The following DIAPH2 variants were observed in gnomAD, a reference collection of about 807,000 sequenced individuals.
DIAPH2 encodes diaphanous related formin 2.
A neutral mutation model predicts 92.7 loss-of-function variants in DIAPH2; 35 were observed. The ratio of observed to expected loss-of-function variants is 0.38; its 90% CI spans 0.29 to 0.50. The LOEUF is 0.50. DIAPH2 is among the 20% of genes least tolerant of loss of function. The probability of loss-of-function intolerance (pLI) is 0.94; values close to 1 mark genes in which losing one functional copy is unlikely to be tolerated. For synonymous variants in DIAPH2, 301 were observed against 280.4 expected, an observed-to-expected ratio of 1.07 and a Z score of -0.73; for missense variants, 701 against 819.5, an observed-to-expected ratio of 0.86 and a Z score of 1.77.
At chrX:97,046,320 T>TAGATCTACAAGTG (rs2066484091) in intron 17 of DIAPH2, among the ~76,000 whole-genome samples, 1 of 111,012 alleles carries the variant, frequency 9.0e-6, no homozygotes, top group East Asian at 2.8e-4. Context: ...GTGGAAGAAC[T>TAGATCTACAAGTG]TACCTTTGAT....
chrX:96,894,173 G>T (rs749905301), intron 5 of DIAPH2, among the ~76,000 whole-genome samples: 1 of 111,332 alleles, frequency 9.0e-6, no homozygotes, highest in African/African-American at 3.3e-5. Context: ...CAGTTCTGCA[G>T]CATCCAGTGT....
intron 22 of DIAPH2, among the ~76,000 whole-genome samples, chrX:97,245,958 A>G (rs1179711022): frequency 1.9e-5 from 2 of 103,889 alleles, no homozygotes; most frequent in African/African-American, 7.1e-5. Context: ...GCTAGAGTGC[A>G]GTGGCGGGAT....
intron 22 of DIAPH2, among the ~76,000 whole-genome samples, chrX:97,148,270 CAACA>C (rs1236338971): frequency 3.6e-5 from 4 of 111,718 alleles, no homozygotes; most frequent in South Asian, 7.6e-4. Flanking sequence ...CGAAAATATG[CAACA>C]AAGACTCATG....
At chrX:97,586,699 T>C (rs1036425392) in intron 26 of DIAPH2, among the ~76,000 whole-genome samples, 1 of 112,139 alleles carries the variant, frequency 8.9e-6, no homozygotes, top group Non-Finnish European at 1.9e-5. Flanking sequence ...CCTTTAAGAA[T>C]CTACAACAAT....
At chrX:96,754,745 C>G (rs2064214017) in intron 3 of DIAPH2, among the ~76,000 whole-genome samples, 1 of 107,728 alleles carries the variant, frequency 9.3e-6, no homozygotes, top group African/African-American at 3.4e-5. Context: ...GCCAACCTGG[C>G]AAAGCTCTGT....
chrX:96,939,362 C>A lies in DIAPH2; in HGVS notation c.1305C>A (p.Ile435=). The change falls in exon 12 of 27, where the codon ATC becomes ATA. Residue 435 remains isoleucine, a synonymous_variant. Coordinates refer to ENST00000324765, the MANE Select transcript of DIAPH2 (RefSeq NM_006729.5). ...CTATTCTACAACATTTTTTGCTTAT[C>A]AGAAATGATTATTATATCAGGTAAG... ...FLSILQHFLL[I]RNDYYIRPQY... 2.8e-6 allele frequency: 3 copies of A among 1,060,774 alleles called. No homozygotes were observed. The highest frequency in any genetic ancestry group is 3.9e-6 in the Non-Finnish European group (3 of 767,396). The allele number at this position is 1,060,774 out of a possible 1,213,427, so 87.4% of individuals were successfully genotyped here. A position where few individuals can be genotyped will look rare whatever the true frequency, so the allele number is the denominator to read the frequency against.
chrX:96,864,124 T>G (rs1426362876), intron 4 of DIAPH2, among the ~76,000 whole-genome samples: 1 of 111,339 alleles, frequency 9.0e-6, no homozygotes. Flanking sequence ...ACCTCTTTAT[T>G]TCCCGATATT....
chrX:97,463,659 G>A (rs970011065), intron 26 of DIAPH2, among the ~76,000 whole-genome samples: 1 of 110,757 alleles, frequency 9.0e-6, no homozygotes, highest in Admixed American at 9.6e-5. Context: ...CCAAATGCTG[G>A]GATTATGCTC....
At chrX:97,329,748 A>T (rs936481717) in intron 23 of DIAPH2, among the ~76,000 whole-genome samples, 16 of 110,594 alleles carry the variant, frequency 1.4e-4, no homozygotes, top group Non-Finnish European at 3.0e-4. Flanking sequence ...AATACCTCTA[A>T]TTCCATTGCT....
At position 97,458,429 on chromosome X, in the gene DIAPH2, G is replaced by T. The variant is rs185312086; in HGVS notation, c.3241+28684G>T. The stretch of plus-strand genomic sequence containing the variant: ...CAGTTTTTATTGTTGAAGCAACCAG[G>T]TCATTTGTCTGATTGAGTTTATATT... On this transcript the variant is annotated intron_variant, in intron 26 of 26. Coordinates refer to ENST00000324765, the MANE Select transcript of DIAPH2 (RefSeq NM_006729.5). Among the ~76,000 whole-genome samples the T allele has an allele frequency of 4.4e-4, 48 of 108,933 alleles. No individual in the cohort carries two copies. The East Asian group carries it at 0.012, about 26-fold the overall frequency. The allele number at this position is 108,933 out of a possible 115,157, so 94.6% of individuals were successfully genotyped here.
intron 21 of DIAPH2, among the ~76,000 whole-genome samples, chrX:97,130,595 G>A (rs1326973892): frequency 1.8e-5 from 2 of 111,797 alleles, no homozygotes; most frequent in South Asian, 3.8e-4. Context: ...ACCAAGGGTT[G>A]GGGGATAAGG....
At chrX:97,315,992 A>G (rs956982357) in intron 23 of DIAPH2, among the ~76,000 whole-genome samples, 3 of 111,725 alleles carry the variant, frequency 2.7e-5, no homozygotes, top group South Asian at 7.5e-4. Flanking sequence ...TACATTTTTT[A>G]ACTTAGCCCA....
chrX:96,928,228 A>G (rs998351850), intron 9 of DIAPH2, among the ~76,000 whole-genome samples: 2 of 111,305 alleles, frequency 1.8e-5, no homozygotes, highest in Admixed American at 9.6e-5. Context: ...GGATAACAGT[A>G]ATACTAATCT....
intron 21 of DIAPH2, among the ~76,000 whole-genome samples, chrX:97,130,514 A>G (rs2067130863): frequency 8.9e-6 from 1 of 112,207 alleles, no homozygotes; most frequent in Non-Finnish European, 1.9e-5. Context: ...GAAGAAGGAC[A>G]AATACTATAT....
At chrX:97,312,494 T>C (rs1171216448) in intron 23 of DIAPH2, among the ~76,000 whole-genome samples, 1 of 107,219 alleles carries the variant, frequency 9.3e-6, no homozygotes, top group Non-Finnish European at 1.9e-5. Flanking sequence ...GGATTACAGG[T>C]GCCTGCCACC....
intron 23 of DIAPH2, among the ~76,000 whole-genome samples, chrX:97,315,433 T>A (rs2147645893): frequency 8.9e-6 from 1 of 111,922 alleles, no homozygotes; most frequent in Non-Finnish European, 1.9e-5. Flanking sequence ...GATGTGAATT[T>A]TAAGGTGTGC....
chrX:96,808,185 G>A (rs1316245752), intron 4 of DIAPH2, among the ~76,000 whole-genome samples: 1 of 106,563 alleles, frequency 9.4e-6, no homozygotes. Flanking sequence ...CTCTCTCTGA[G>A]CTCCATAATA....
At chrX:97,133,459 G>C (rs1321461857) in intron 21 of DIAPH2, among the ~76,000 whole-genome samples, 1 of 111,089 alleles carries the variant, frequency 9.0e-6, no homozygotes, top group East Asian at 2.8e-4. Flanking sequence ...AGCTAATTTT[G>C]TATTTTTAGC....
intron 26 of DIAPH2, among the ~76,000 whole-genome samples, chrX:97,506,984 T>C (rs1377301748): frequency 9.0e-6 from 1 of 110,782 alleles, no homozygotes; most frequent in Non-Finnish European, 1.9e-5. Flanking sequence ...TAAAATGTTG[T>C]TTATATCTTT....
Sources: gnomAD v4.1 joint callset for allele counts (sites outside exome capture counted in the v4.1 genomes callset) on GRCh38, gnomAD v4.1.1 for gene constraint, MANE v1.5 for transcripts, NCBI Gene and HGNC (gene_info 2026-07-23, HGNC 2026-07-21) for gene names.